The following PAX8 variants were observed in gnomAD, a reference collection of about 807,000 sequenced individuals.
PAX8 encodes paired box protein Pax-8.
PAX8 carries 15 observed loss-of-function variants against 52.4 expected under a neutral mutation model. That is an observed-to-expected ratio of 0.29 (90% CI 0.19 to 0.44). The LOEUF (loss-of-function observed/expected upper bound fraction) is 0.44, where lower values mean the gene tolerates loss of function less well. PAX8 is among the 20% of genes least tolerant of loss of function. The pLI, the probability that PAX8 is intolerant of heterozygous loss-of-function variation, is 1.00. For synonymous variants in PAX8, 284 were observed against 249.7 expected (o/e 1.14, Z -1.29); for missense variants, 554 against 602.5 (o/e 0.92, Z 0.84).
chr2:113,241,775 A>T (rs1558713877), intron 6 of PAX8, 49 bp from the exon 7 acceptor site: 2 of 1,598,884 alleles, frequency 1.3e-6, no homozygotes, highest in Non-Finnish European at 8.6e-7. Context: ...CTATCTATTC[A>T]TGCTCTAGGC....
rs184946853 is a variant in PAX8 at position 113,253,155 on chromosome 2, T to G, written c.26-6236A>C. Among the ~76,000 whole-genome samples, 7 of 152,352 alleles carry G rather than the reference T, an allele frequency of 4.6e-5. No individual in the cohort carries two copies. In the East Asian group the frequency reaches 1.4e-3, roughly 29 times the overall value. Reference sequence around the variant, plus strand: ...TTCCTTATACCTTCAGTCTAGGCTTTTTGCTTTGCTTTAATGGGGTTCTGT... The same window carrying G: ...TTCCTTATACCTTCAGTCTAGGCTTGTTGCTTTGCTTTAATGGGGTTCTGT... On this transcript the variant is annotated intron_variant, in intron 2 of 11. Coordinates refer to ENST00000429538, the MANE Select transcript of PAX8 (RefSeq NM_003466.4).
At chr2:113,227,077 C>T (rs1437882413) in intron 10 of PAX8, 78 bp downstream of exon 10, 1 of 1,537,444 alleles carries the variant, frequency 6.5e-7, no homozygotes, top group Non-Finnish European at 8.7e-7. Flanking sequence ...GCACAGTATG[C>T]CTCTTGCTCC....
chr2:113,236,697 T>G lies in PAX8; in HGVS notation c.802A>C (p.Asn268His). The change falls in exon 8 of 12, where the codon AAC (asparagine) becomes CAC (histidine). Residue 268 changes from asparagine (N) to histidine (H), a missense_variant. By Grantham distance (68) the Asn-to-His change is moderately conservative. Transcript: ENST00000429538. ...EQGLYPLPLL[N>H]STLDDGKATL... ...GCCTTCCCGTCGTCCAGGGTGCTGT[T>G]GAGCAAGGGCAGCGGGTAGAGGCCC... 6.3e-7 allele frequency: 1 copy of G among 1,580,972 alleles called. No homozygotes were observed. The highest frequency in any genetic ancestry group is 8.6e-7 in the Non-Finnish European group (1 of 1,163,904).
At chr2:113,271,698 G>A (rs1332050284) in intron 2 of PAX8, 2 of 147,638 alleles carry the variant, frequency 1.4e-5, no homozygotes, top group Non-Finnish European at 3.0e-5. Context: ...GATTCCAGGT[G>A]TCGATCATCT....
chr2:113,244,355 T>C, intron 4 of PAX8, 72 bp downstream of exon 4: 1 of 1,206,532 alleles, frequency 8.3e-7, no homozygotes, highest in African/African-American at 1.5e-5. Context: ...GCCAGGCCTT[T>C]CTTGTCTCTT....
intron 4 of PAX8, 37 bp from the exon 5 acceptor site, chr2:113,242,815 G>C: frequency 2.0e-6 from 3 of 1,521,270 alleles, no homozygotes; most frequent in Non-Finnish European, 2.7e-6. Context: ...AGAGAGAAGA[G>C]GAGGAAAGAG....
chr2:113,235,655 C>T (rs1232067118), intron 8 of PAX8, 73 bp from the exon 9 acceptor site: 29 of 1,325,062 alleles, frequency 2.2e-5, no homozygotes, highest in African/African-American at 4.3e-5. Flanking sequence ...CAAGCCAAGC[C>T]GTGGGATGTG....
chr2:113,257,832 T>C (rs557961593), intron 2 of PAX8, among the ~76,000 whole-genome samples: 167 of 152,304 alleles, frequency 1.1e-3, no homozygotes, highest in African/African-American at 3.8e-3. Context: ...AGCTGAGTAT[T>C]TTAAATGCAT....
At chr2:113,264,989 G>A (rs1170271613) in intron 2 of PAX8, among the ~76,000 whole-genome samples, 1 of 152,228 alleles carries the variant, frequency 6.6e-6, no homozygotes, top group Non-Finnish European at 1.5e-5. Context: ...TTCTCGGATT[G>A]TACATCAGCA....
At chr2:113,255,265 GGGGAGGAGGGAGGGGAGGAGGGA>G (rs1318011828) in intron 2 of PAX8, 2 of 25,268 alleles carry the variant, frequency 7.9e-5, no homozygotes, top group African/African-American at 2.8e-4. Flanking sequence ...GGAGGAGGGA[GGGGAGGAGGGAGGGGAGGAGGGA>G]GGGAGGAGGG....
intron 2 of PAX8, chr2:113,267,548 G>T (rs576786557): frequency 7.9e-5 from 12 of 152,320 alleles, no homozygotes; most frequent in African/African-American, 2.9e-4. Context: ...AGAACAGGGA[G>T]GTCACATGTC....
intron 9 of PAX8, 139 bp downstream of exon 9, chr2:113,235,255 C>T (rs1195313145): frequency 1.3e-5 from 9 of 719,254 alleles, no homozygotes; most frequent in African/African-American, 1.8e-5. Context: ...GTTGGCGCCT[C>T]CAAAAGTTGC....
At chr2:113,245,990 G>T (rs1190984257) in intron 3 of PAX8, among the ~76,000 whole-genome samples, 1 of 152,216 alleles carries the variant, frequency 6.6e-6, no homozygotes, top group Non-Finnish European at 1.5e-5. Context: ...TGGAAGCTGT[G>T]GCACAGAGGC....
intron 10 of PAX8, among the ~76,000 whole-genome samples, chr2:113,224,011 T>C (rs1371678678): frequency 6.6e-6 from 1 of 151,586 alleles, no homozygotes; most frequent in Non-Finnish European, 1.5e-5. Flanking sequence ...GATGTATATA[T>C]AGAAAGATGT....
intron 9 of PAX8, among the ~76,000 whole-genome samples, chr2:113,233,329 G>GT (rs1491101574): frequency 5.9e-5 from 1 of 16,966 alleles, no homozygotes; most frequent in Admixed American, 8.9e-4. Flanking sequence ...GATGTACGGA[G>GT]GAAAAAAAAA....
chr2:113,217,150 C>G lies in PAX8; in HGVS notation c.*1383G>C. ...GTACTGTGCTATCCTTGCATTTGCT[C>G]AGTGTTGAAGAACTTGGGATGAGTG... On this transcript the variant is annotated 3_prime_UTR_variant, in exon 12 of 12. Transcript: ENST00000429538. 1 of 228,782 alleles carries G rather than the reference C, an allele frequency of 4.4e-6. No individual in the cohort carries two copies. Among genetic ancestry groups the G allele is most frequent in the Non-Finnish European group, 8.7e-6 (1 of 115,080 alleles). The allele number at this position is 228,782 out of a possible 1,614,324, so 14.2% of individuals were successfully genotyped here. A position where few individuals can be genotyped will look rare whatever the true frequency, so the allele number is the denominator to read the frequency against.
At chr2:113,262,127 G>T (rs556535934) in intron 2 of PAX8, among the ~76,000 whole-genome samples, 2 of 152,262 alleles carry the variant, frequency 1.3e-5, no homozygotes, top group South Asian at 4.2e-4. Context: ...ACTGTGCCCG[G>T]CCGATTTTAG....
chr2:113,242,978 C>G (rs1040533950), intron 4 of PAX8, among the ~76,000 whole-genome samples, 200 bp from the exon 5 acceptor site: 1 of 152,208 alleles, frequency 6.6e-6, no homozygotes, highest in Non-Finnish European at 1.5e-5. Context: ...TTGGTACCAT[C>G]AGTCACTCAA....
Position 113,236,640 on chromosome 2 carries a change from G to A in PAX8, c.859C>T (p.Arg287Cys). 1 of 1,594,336 alleles carries A rather than the reference G, an allele frequency of 6.3e-7. No homozygotes were observed. Among genetic ancestry groups the A allele is most frequent in the Non-Finnish European group, 8.5e-7 (1 of 1,170,958 alleles). The stretch of plus-strand genomic sequence containing the variant: ...TAGGTCTGGTGAGTCGAGAGGTTGC[G>A]CCCCAGTGGCGTGTTGGAAGGGGTC... ...TLTPSNTPLG[R>C]NLSTHQTYPV... Residue 287 changes from arginine (R) to cysteine (C), a missense_variant, in exon 8 of 12, where the codon CGC (arginine) becomes TGC (cysteine). Physicochemically the swap from Arg to Cys is radical, Grantham distance 180 (BLOSUM62 -3). This residue lies in a region of PAX8 where 445 missense variants were observed against 409.9 expected (regional missense o/e 1.09). Coordinates refer to ENST00000429538, the MANE Select transcript of PAX8 (RefSeq NM_003466.4).
Sources: gnomAD v4.1 joint callset for allele counts (sites outside exome capture counted in the v4.1 genomes callset) on GRCh38, gnomAD v4.1.1 for gene constraint, gnomAD v4.1.1 regional missense constraint, MANE v1.5 for transcripts, NCBI Gene and HGNC (gene_info 2026-07-23, HGNC 2026-07-21) for gene names.